PATL2: variants seen among roughly 807,000 people sequenced by gnomAD.
The protein encoded by PATL2 is protein PAT1 homolog 2.
PATL2 carries 73 observed loss-of-function variants against 77.0 expected under a neutral mutation model. The observed-to-expected ratio is 0.95, with a 90% CI of 0.78 to 1.15. The LOEUF (loss-of-function observed/expected upper bound fraction) is 1.15. Ranked by LOEUF, PATL2 falls within the 50% of genes most tolerant of loss-of-function variation. The probability of loss-of-function intolerance (pLI) is 0.00; values close to 1 mark genes in which losing one functional copy is unlikely to be tolerated. For missense variants in PATL2, 618 were observed against 655.4 expected, an observed-to-expected ratio of 0.94 and a Z score of 0.62; for synonymous variants, 265 against 257.1, an observed-to-expected ratio of 1.03 and a Z score of -0.29.
intron 3 of PATL2, among the ~76,000 whole-genome samples, chr15:44,699,651 T>C (rs889667741): frequency 6.6e-6 from 1 of 152,230 alleles, no homozygotes; most frequent in Non-Finnish European, 1.5e-5. Flanking sequence ...TTTAAGTCTT[T>C]ATTCCATTTT....
intron 3 of PATL2, chr15:44,676,904 TAGC>T (rs2085987529): frequency 9.6e-7 from 1 of 1,043,218 alleles, no homozygotes; most frequent in African/African-American, 1.7e-5. Context: ...AAGTTATTCA[TAGC>T]AGCCTGGGCC....
At chr15:44,671,141 G>A (rs894304165) in intron 9 of PATL2, among the ~76,000 whole-genome samples, 6 of 152,220 alleles carry the variant, frequency 3.9e-5, no homozygotes, top group African/African-American at 1.4e-4. Flanking sequence ...TAATGTAAAT[G>A]AGAAGGCAAT....
chr15:44,701,698 CAA>C (rs77174261), intron 3 of PATL2, among the ~76,000 whole-genome samples: 27 of 52,798 alleles, frequency 5.1e-4, no homozygotes, highest in Admixed American at 2.1e-3. Context: ...GACCCTGTCT[CAA>C]AAAAAAAAAA....
rs2085587751 is a variant in PATL2 at position 44,669,962 on chromosome 15, C to T, written c.778+5G>A. The T allele has an allele frequency of 6.5e-7, 1 of 1,548,822 alleles. No homozygotes were observed. Among genetic ancestry groups the T allele is most frequent in the South Asian group, 1.2e-5 (1 of 83,564 alleles). ...CCCAAGTCAGCAGGTCAGCCCTGAC[C>T]CTACCGGACTCATAAGCCTCTGCCT... On this transcript the variant is annotated splice_donor_5th_base_variant and intron_variant, in intron 10 of 17. Transcript: ENST00000682850.
rs1425252209 is a variant in PATL2 at position 44,681,450 on chromosome 15, C to T, written c.-75-4885G>A. ...TCCCACAGCTTCCCAACACTTGTCT[C>T]CTGGCTCTTCCAGTACCTCTTGGGT... On this transcript the variant is annotated intron_variant, in intron 3 of 17. Coordinates refer to ENST00000682850, the MANE Select transcript of PATL2 (RefSeq NM_001387263.1). Among the ~76,000 whole-genome samples, 7 of 152,202 alleles carry T rather than the reference C, an allele frequency of 4.6e-5. No individual in the cohort carries two copies. In the East Asian group the frequency reaches 1.3e-3, roughly 29 times the overall value.
At chr15:44,697,145 C>G (rs538781725) in intron 3 of PATL2, among the ~76,000 whole-genome samples, 1 of 151,904 alleles carries the variant, frequency 6.6e-6, no homozygotes, top group Admixed American at 6.6e-5. Flanking sequence ...CTCCTCCTCC[C>G]TCTTCCTCTT....
intron 7 of PATL2, 43 bp from the exon 8 acceptor site, chr15:44,672,499 C>G: frequency 6.6e-7 from 1 of 1,506,674 alleles, no homozygotes; most frequent in Non-Finnish European, 9.0e-7. Context: ...AGGAAGCTCT[C>G]AGTTCTCTGC....
At chr15:44,676,407 G>A in intron 4 of PATL2, 68 bp downstream of exon 4, 2 of 1,362,222 alleles carry the variant, frequency 1.5e-6, no homozygotes, top group Non-Finnish European at 2.1e-6. Context: ...AATCCCATAT[G>A]TGAAACAGAC....
At chr15:44,682,827 G>C (rs943101985) in intron 3 of PATL2, among the ~76,000 whole-genome samples, 7 of 151,594 alleles carry the variant, frequency 4.6e-5, no homozygotes, top group Admixed American at 1.3e-4. Flanking sequence ...AATAGCTCTG[G>C]TCTGTAGCTC....
At chr15:44,671,659 G>A (rs944357258) in intron 9 of PATL2, among the ~76,000 whole-genome samples, 2 of 152,156 alleles carry the variant, frequency 1.3e-5, no homozygotes, top group East Asian at 3.8e-4. Context: ...ACATCCCTGT[G>A]CTTTAGATCT....
In PATL2 at chr15:44,669,568, G is replaced by A; in HGVS notation, c.877-5C>T. ...ACTGCTTGCAGCTTCTATATCCTAG[G>A]AGAAGGGAGTCACCAGCTATCAGCT... is the stretch of plus-strand genomic sequence containing the variant. On this transcript the variant is annotated splice_region_variant and splice_polypyrimidine_tract_variant and intron_variant, in intron 11 of 17. Coordinates refer to ENST00000682850, the MANE Select transcript of PATL2 (RefSeq NM_001387263.1). 1 of 1,550,740 alleles carries A rather than the reference G, an allele frequency of 6.4e-7. No homozygotes were observed. The highest frequency in any genetic ancestry group is 8.7e-7 in the Non-Finnish European group (1 of 1,146,690).
intron 7 of PATL2, 110 bp from the exon 8 acceptor site, chr15:44,672,566 GT>G (rs1251131817): frequency 6.4e-6 from 7 of 1,099,522 alleles, no homozygotes; most frequent in Middle Eastern, 2.0e-4. Context: ...AACCTTATCT[GT>G]TTAGGTACTT....
chr15:44,680,704 T>C (rs185282280), intron 3 of PATL2, among the ~76,000 whole-genome samples: 1 of 152,210 alleles, frequency 6.6e-6, no homozygotes, highest in Non-Finnish European at 1.5e-5. Flanking sequence ...GCCCTTCAGG[T>C]CTCTCCTACC....
At position 44,670,051 on chromosome 15, in the gene PATL2, C is replaced by A; in HGVS notation, c.694G>T (p.Glu232Ter). 1 of 1,551,490 alleles carries A rather than the reference C, an allele frequency of 6.4e-7. No individual in the cohort carries two copies. The highest frequency in any genetic ancestry group is 1.2e-5 in the South Asian group (1 of 83,998). Residue 232 changes from glutamate (E) to a stop codon, truncating the protein, a stop_gained, in exon 10 of 18, where the codon GAA becomes TAA. Coordinates refer to ENST00000682850, the MANE Select transcript of PATL2 (RefSeq NM_001387263.1). LOFTEE classifies it high-confidence loss of function. ...CGGTTTCTTCGTCCAAGTAGCTCTT[C>A]GTCTGCCTGCTTCTTCTCTAGCTTC... ...YQKLEKKQAD[E>*]ELLGRRNRVE...
rs765442751 is a variant in PATL2, at chr15:44,672,056, G to C, written c.616C>G (p.Leu206Val). 3.2e-6 allele frequency: 5 copies of C among 1,551,738 alleles called. No homozygotes were observed. Among genetic ancestry groups the C allele is most frequent in the South Asian group, 2.4e-5 (2 of 84,064 alleles). The change falls in exon 9 of 18, where the codon CTG (leucine) becomes GTG (valine). Residue 206 changes from leucine (L) to valine (V), a missense_variant. Leu to Val is a conservative substitution (Grantham distance 32). Transcript: ENST00000682850. The part of the protein sequence containing the change: ...DWVIKVQMVQ[L>V]QSAKPRLDDY... Reference sequence around the variant, plus strand: ...TCCAGGCGGGGTTTTGCACTCTGCAGCTGCACCATCTGCACTTTTATCACC... The same window carrying C: ...TCCAGGCGGGGTTTTGCACTCTGCACCTGCACCATCTGCACTTTTATCACC...
chr15:44,667,023 A>G, intron 16 of PATL2, 83 bp downstream of exon 16: 1 of 1,101,400 alleles, frequency 9.1e-7, no homozygotes, highest in Non-Finnish European at 1.3e-6. Context: ...GTACTTGAAA[A>G]TGCCTCAGGA....
intron 3 of PATL2, among the ~76,000 whole-genome samples, chr15:44,700,341 A>C (rs1371998736): frequency 1.3e-5 from 2 of 152,004 alleles, no homozygotes; most frequent in Non-Finnish European, 2.9e-5. Context: ...TCACTTTGTC[A>C]CCTAGGCTGG....
intron 14 of PATL2, among the ~76,000 whole-genome samples, chr15:44,668,769 C>A (rs778983811): frequency 2.6e-5 from 4 of 152,214 alleles, no homozygotes; most frequent in Non-Finnish European, 4.4e-5. Flanking sequence ...TGCAACCATA[C>A]ACCTGTTGCT....
chr15:44,709,954 A>G (rs956427381), intron 3 of PATL2, among the ~76,000 whole-genome samples, 142 bp downstream of exon 3: 10 of 152,196 alleles, frequency 6.6e-5, no homozygotes, highest in African/African-American at 2.4e-5. Flanking sequence ...AAGGGGGAAA[A>G]GGGAGGGAGC....
Sources: allele counts gnomAD v4.1 joint callset (sites outside exome capture counted in the v4.1 genomes callset), GRCh38; gene constraint gnomAD v4.1.1; transcripts MANE v1.5; gene names NCBI Gene and HGNC (gene_info 2026-07-23, HGNC 2026-07-21).